Variants in GHR observed in about 807,000 individuals in gnomAD.
GHR encodes the protein GH receptor.
In GHR, 35 loss-of-function variants were observed where a neutral mutation model predicts 67.1. The observed-to-expected ratio is 0.52, with a 90% CI of 0.40 to 0.69. The LOEUF is 0.69. GHR is among the 30% of genes least tolerant of loss of function. GHR has a pLI of 0.00. For synonymous variants in GHR, 272 were observed against 269.1 expected (o/e 1.01, Z -0.10); for missense variants, 792 against 764.6 (o/e 1.04, Z -0.42).
rs1052813018 is a variant in GHR, at chr5:42,560,864, C to G, written c.-11-5000C>G. Among the ~76,000 whole-genome samples the G allele has an allele frequency of 3.3e-5, 5 of 152,274 alleles. No individual in the cohort carries two copies. In the South Asian group the frequency reaches 1.0e-3, roughly 32 times the overall value. On this transcript the variant is annotated intron_variant, in intron 1 of 9. Transcript: ENST00000230882. ...TATCATCTCTCATATCCAATCATCA[C>G]CAAATCTTATCAATACTTCTCAGTG...
At chr5:42,645,737 A>C (rs1754697108) in intron 3 of GHR, among the ~76,000 whole-genome samples, 1 of 152,232 alleles carries the variant, frequency 6.6e-6, no homozygotes. Flanking sequence ...ATTACAAGTA[A>C]TATAGTCGTT....
intron 3 of GHR, among the ~76,000 whole-genome samples, chr5:42,650,032 G>A (rs1754936422): frequency 6.6e-6 from 1 of 152,146 alleles, no homozygotes. Flanking sequence ...CTAGTGAAGT[G>A]AGAATATTGA....
chr5:42,498,928 G>C (rs1746428230), intron 1 of GHR, among the ~76,000 whole-genome samples: 1 of 152,074 alleles, frequency 6.6e-6, no homozygotes, highest in African/African-American at 2.4e-5. Context: ...GACAATCTCT[G>C]GTCTAAACTC....
chr5:42,703,916 TTTA>T (rs1301707430), intron 6 of GHR, among the ~76,000 whole-genome samples: 2 of 151,988 alleles, frequency 1.3e-5, no homozygotes, highest in African/African-American at 4.8e-5. Context: ...ACTGAATTTG[TTTA>T]TCTGTTCTAG....
At chr5:42,649,736 G>A (rs1754921863) in intron 3 of GHR, among the ~76,000 whole-genome samples, 1 of 152,132 alleles carries the variant, frequency 6.6e-6, no homozygotes, top group South Asian at 2.1e-4. Flanking sequence ...GAGATGAAAT[G>A]ATTTATCGGA....
intron 3 of GHR, among the ~76,000 whole-genome samples, chr5:42,660,068 C>T (rs1755497580): frequency 6.6e-6 from 1 of 152,214 alleles, no homozygotes; most frequent in Non-Finnish European, 1.5e-5. Context: ...GGGCGCCAGG[C>T]ATTGCCCAGG....
At position 42,699,897 on chromosome 5, in the gene GHR, C is replaced by T; in HGVS notation, c.513C>T (p.Ile171=). The T allele has an allele frequency of 6.2e-7, 1 of 1,604,536 alleles. No individual in the cohort carries two copies. The highest frequency in any genetic ancestry group is 8.5e-7 in the Non-Finnish European group (1 of 1,171,342). The change falls in exon 6 of 10, where the codon ATC becomes ATT. Residue 171 remains isoleucine (I), a synonymous_variant. Coordinates refer to ENST00000230882, the MANE Select transcript of GHR (RefSeq NM_000163.5). ...NVSLTGIHAD[I]QVRWEAPRNA... ...GTTTAACTGGGATTCATGCAGATATCCAAGTGAGATGGGAAGCACCACGCA... is the reference window on the plus strand; with the variant it reads ...GTTTAACTGGGATTCATGCAGATATTCAAGTGAGATGGGAAGCACCACGCA...
intron 3 of GHR, among the ~76,000 whole-genome samples, chr5:42,678,279 CTTTCAA>C (rs2111562574): frequency 6.6e-6 from 1 of 152,304 alleles, no homozygotes; most frequent in South Asian, 2.1e-4. Flanking sequence ...CTGGTAGCTT[CTTTCAA>C]TTGTCATGGC....
At chr5:42,593,929 A>G (rs551796636) in intron 2 of GHR, among the ~76,000 whole-genome samples, 1 of 152,316 alleles carries the variant, frequency 6.6e-6, no homozygotes, top group East Asian at 1.9e-4. Flanking sequence ...TCATTTTTCT[A>G]GTCCAACTTC....
At chr5:42,474,075 G>A (rs931788441) in intron 1 of GHR, among the ~76,000 whole-genome samples, 1 of 151,380 alleles carries the variant, frequency 6.6e-6, no homozygotes, top group Non-Finnish European at 1.5e-5. Context: ...TATAATCCCA[G>A]CTACTTGGGA....
In GHR at chr5:42,672,251, C is replaced by T. The variant is rs78656072; in HGVS notation, c.137-16639C>T. On this transcript the variant is annotated intron_variant, in intron 3 of 9. Coordinates refer to ENST00000230882, the MANE Select transcript of GHR (RefSeq NM_000163.5). ...TTCTATGCCTAGAAAAACCTAAAGGCTCCACCAAAAAAGCTCTTGGAACTG... is the reference window on the plus strand; with the variant it reads ...TTCTATGCCTAGAAAAACCTAAAGGTTCCACCAAAAAAGCTCTTGGAACTG... Among the ~76,000 whole-genome samples the T allele has an allele frequency of 6.8e-4, 103 of 152,230 alleles. 1 individual carries two copies. In the East Asian group the frequency reaches 0.017, roughly 25 times the overall value.
intron 2 of GHR, among the ~76,000 whole-genome samples, chr5:42,616,655 C>A (rs145233183): frequency 6.9e-6 from 1 of 144,560 alleles, no homozygotes; most frequent in Non-Finnish European, 1.5e-5. Flanking sequence ...CCATGAGACT[C>A]GATGAGATTC....
intron 1 of GHR, among the ~76,000 whole-genome samples, chr5:42,490,676 C>T (rs1161863928): frequency 6.6e-6 from 1 of 152,194 alleles, no homozygotes; most frequent in Non-Finnish European, 1.5e-5. Flanking sequence ...AGATTGCCTT[C>T]CATTTCCTAC....
Position 42,424,714 on chromosome 5 carries a change from G to A in GHR, c.-12+759G>A. On this transcript the variant is annotated intron_variant, in intron 1 of 9. Coordinates refer to ENST00000230882, the MANE Select transcript of GHR (RefSeq NM_000163.5). This position sits in a 1 kb window ranked among gnomAD's most constrained non-coding sequence, Gnocchi z 4.1. ...GCCAGAGGCTGCGGGTCAATGGGGT[G>A]GCCGCGTGTCTAGGGAGAGGGCGCT... 2 of 1,068,986 alleles carry A rather than the reference G, an allele frequency of 1.9e-6. No homozygotes were observed. The highest frequency in any genetic ancestry group is 2.8e-6 in the Non-Finnish European group (2 of 720,272). 66.2% of individuals were successfully genotyped at this position (1,068,986 alleles called of 1,614,324 possible). A position where few individuals can be genotyped will look rare whatever the true frequency, so the allele number is the denominator to read the frequency against.
At chr5:42,460,719 A>G (rs1470162615) in intron 1 of GHR, among the ~76,000 whole-genome samples, 1 of 152,190 alleles carries the variant, frequency 6.6e-6, no homozygotes, top group Non-Finnish European at 1.5e-5. Flanking sequence ...AGTGTTTCCT[A>G]ATAGTTAATA....
intron 3 of GHR, among the ~76,000 whole-genome samples, chr5:42,640,829 T>C (rs1754434335): frequency 6.6e-6 from 1 of 152,130 alleles, no homozygotes; most frequent in African/African-American, 2.4e-5. Flanking sequence ...CAAAACTTAA[T>C]TTTGCGTCCT....
At chr5:42,525,127 C>T (rs1301453448) in intron 1 of GHR, among the ~76,000 whole-genome samples, 1 of 152,146 alleles carries the variant, frequency 6.6e-6, no homozygotes, top group Admixed American at 6.5e-5. Context: ...CTCCAGACCC[C>T]AGAATGGTAG....
chr5:42,584,180 T>C (rs900166305), intron 2 of GHR, among the ~76,000 whole-genome samples: 5 of 152,198 alleles, frequency 3.3e-5, no homozygotes, highest in African/African-American at 1.2e-4. Flanking sequence ...TTAGTGATTA[T>C]TTAGTCTTCC....
Position 42,595,732 on chromosome 5 carries a change from G to C in GHR, c.70+29788G>C, listed in dbSNP as rs553671676. On this transcript the variant is annotated intron_variant, in intron 2 of 9. Coordinates refer to ENST00000230882, the MANE Select transcript of GHR (RefSeq NM_000163.5). ...TGTATCAGGTTTCATTAATGAAATG[G>C]GTCTTAAGTGGAGATTAGGAAGGAA... 4.6e-5 allele frequency among the ~76,000 whole-genome samples: 7 copies of C among 152,318 alleles called. No individual in the cohort carries two copies. The South Asian group carries it at 8.3e-4, about 18-fold the overall frequency.
Sources: gnomAD v4.1 joint callset for allele counts (sites outside exome capture counted in the v4.1 genomes callset) on GRCh38, gnomAD v4.1.1 for gene constraint, Gnocchi (gnomAD v3.1) non-coding constraint, MANE v1.5 for transcripts, NCBI Gene and HGNC (gene_info 2026-07-23, HGNC 2026-07-21) for gene names.